Variants in PRKAG2 observed in about 807,000 individuals in gnomAD.
PRKAG2 encodes protein kinase AMP-activated non-catalytic subunit gamma 2.
PRKAG2 carries 26 observed loss-of-function variants against 69.6 expected under a neutral mutation model. The ratio of observed to expected loss-of-function variants is 0.37; its 90% CI spans 0.27 to 0.52. The LOEUF (loss-of-function observed/expected upper bound fraction) is 0.52. Ranked by LOEUF, PRKAG2 falls within the 20% of genes least tolerant of loss-of-function variation. The pLI is 0.90. For synonymous variants in PRKAG2, 293 were observed against 285.0 expected (o/e 1.03, Z -0.28); for missense variants, 557 against 740.0 (o/e 0.75, Z 2.87).
chr7:151,793,149 A>G (rs368433298), intron 1 of PRKAG2, among the ~76,000 whole-genome samples: 1 of 152,188 alleles, frequency 6.6e-6, no homozygotes, highest in Non-Finnish European at 1.5e-5. Flanking sequence ...CTCCCATTAG[A>G]CTCAGAATAA....
chr7:151,841,791 T>C (rs1361356387), intron 1 of PRKAG2, among the ~76,000 whole-genome samples: 2 of 147,268 alleles, frequency 1.4e-5, no homozygotes, highest in Non-Finnish European at 3.0e-5. Flanking sequence ...ATGGTAGTGA[T>C]AGTAGGTAGT....
In PRKAG2 at chr7:151,756,079, C is replaced by T. The variant is rs1042587164; in HGVS notation, c.466+25073G>A. Reference sequence around the variant, plus strand: ...TCCCCCATTGGTCTCCTCCTCTTCTCAGGCCTCTCCCCCTGGACCACCAGT... The same window carrying T: ...TCCCCCATTGGTCTCCTCCTCTTCTTAGGCCTCTCCCCCTGGACCACCAGT... On this transcript the variant is annotated intron_variant, in intron 3 of 15. Transcript: ENST00000287878. This position sits in a 1 kb window ranked among gnomAD's most constrained non-coding sequence, Gnocchi z 4.9. 6.6e-6 allele frequency among the ~76,000 whole-genome samples: 1 copy of T among 152,182 alleles called. No homozygotes were observed.
At chr7:151,690,693 T>G (rs1398173793) in intron 3 of PRKAG2, among the ~76,000 whole-genome samples, 3 of 152,068 alleles carry the variant, frequency 2.0e-5, no homozygotes, top group Non-Finnish European at 2.9e-5. Flanking sequence ...GGGAGCCGGG[T>G]TTTTTCCACT....
At chr7:151,848,918 A>G (rs1378537612) in intron 1 of PRKAG2, among the ~76,000 whole-genome samples, 1 of 152,260 alleles carries the variant, frequency 6.6e-6, no homozygotes, top group East Asian at 1.9e-4. Context: ...GTCAGCAGAC[A>G]TCATCTCATT....
intron 1 of PRKAG2, among the ~76,000 whole-genome samples, chr7:151,821,684 C>G (rs940242386): frequency 3.3e-5 from 5 of 152,176 alleles, no homozygotes; most frequent in African/African-American, 1.2e-4. Context: ...GATTCCTCGT[C>G]CTGAGCACAC....
chr7:151,568,627 A>G (rs1806828164), intron 11 of PRKAG2, 89 bp downstream of exon 11: 1 of 1,414,420 alleles, frequency 7.1e-7, no homozygotes, highest in East Asian at 2.4e-5. Flanking sequence ...AATTTCTTCT[A>G]CTGAGGGTAA....
chr7:151,659,919 C>T (rs913709475), intron 4 of PRKAG2, among the ~76,000 whole-genome samples: 2 of 152,164 alleles, frequency 1.3e-5, no homozygotes, highest in Non-Finnish European at 2.9e-5. Flanking sequence ...CTCTGCCAGG[C>T]GTGGTAGTGC....
intron 6 of PRKAG2, among the ~76,000 whole-genome samples, chr7:151,585,403 T>A (rs1811414915): frequency 6.6e-6 from 1 of 152,138 alleles, no homozygotes; most frequent in Admixed American, 6.6e-5. Context: ...GTCTTTATTG[T>A]CAGTTTTTTT....
At chr7:151,834,830 C>T (rs756692953) in intron 1 of PRKAG2, among the ~76,000 whole-genome samples, 18 of 152,180 alleles carry the variant, frequency 1.2e-4, no homozygotes, top group Non-Finnish European at 2.1e-4. Flanking sequence ...TTCCGGAGCC[C>T]GGAAGTCCGA....
intron 6 of PRKAG2, among the ~76,000 whole-genome samples, chr7:151,578,288 T>G (rs1035180919): frequency 1.3e-5 from 2 of 152,180 alleles, no homozygotes; most frequent in South Asian, 2.1e-4. Flanking sequence ...GAGGCTGTAG[T>G]GAGCCGAGAA....
intron 3 of PRKAG2, among the ~76,000 whole-genome samples, chr7:151,695,406 TGA>T (rs1836440413): frequency 1.3e-5 from 2 of 152,112 alleles, no homozygotes; most frequent in South Asian, 2.1e-4. Context: ...TGCATTCTTT[TGA>T]GAGAGTCCAG....
At chr7:151,721,879 T>C (rs940047413) in intron 3 of PRKAG2, among the ~76,000 whole-genome samples, 1 of 152,082 alleles carries the variant, frequency 6.6e-6, no homozygotes, top group Non-Finnish European at 1.5e-5. Flanking sequence ...ATACTCCTTG[T>C]CCTAGATTCT....
At chr7:151,775,640 CAG>C (rs1295479612) in intron 3 of PRKAG2, among the ~76,000 whole-genome samples, 1 of 152,234 alleles carries the variant, frequency 6.6e-6, no homozygotes, top group Non-Finnish European at 1.5e-5. Flanking sequence ...CCAGTGCAGA[CAG>C]AGGAAATGCG....
intron 3 of PRKAG2, among the ~76,000 whole-genome samples, chr7:151,687,390 A>C (rs1193041337): frequency 6.6e-6 from 1 of 152,250 alleles, no homozygotes; most frequent in Non-Finnish European, 1.5e-5. Flanking sequence ...ATTCTGCCAC[A>C]GAACTTTTCC....
At chr7:151,624,574 CT>C (rs1249255917) in intron 5 of PRKAG2, among the ~76,000 whole-genome samples, 1 of 152,182 alleles carries the variant, frequency 6.6e-6, no homozygotes, top group African/African-American at 2.4e-5. Context: ...TCTGTTCCCC[CT>C]AACCTTAGCA....
chr7:151,591,532 G>A (rs538961330), intron 6 of PRKAG2, among the ~76,000 whole-genome samples: 280 of 152,284 alleles, frequency 1.8e-3, no homozygotes, highest in Admixed American at 3.9e-3. Context: ...AAACACTGGA[G>A]ACACCCCTCC....
chr7:151,639,289 TGGCCAGCC>T (rs879369405), intron 4 of PRKAG2, among the ~76,000 whole-genome samples: 12 of 152,352 alleles, frequency 7.9e-5, no homozygotes, highest in Non-Finnish European at 1.6e-4. Context: ...TTCTCAGGGT[TGGCCAGCC>T]GGGCAGCTTG....
At chr7:151,680,425 GAAGA>G (rs1215700810) in intron 3 of PRKAG2, among the ~76,000 whole-genome samples, 6 of 152,276 alleles carry the variant, frequency 3.9e-5, no homozygotes, top group Admixed American at 6.5e-5. Flanking sequence ...AGCGGTAAGT[GAAGA>G]AAGCCAACTG....
chr7:151,641,388 C>T (rs1238996369), intron 4 of PRKAG2, among the ~76,000 whole-genome samples: 1 of 151,596 alleles, frequency 6.6e-6, no homozygotes, highest in Non-Finnish European at 1.5e-5. Flanking sequence ...GCTGGGACTA[C>T]AGGCGCACAC....
Sources: allele counts gnomAD v4.1 joint callset (sites outside exome capture counted in the v4.1 genomes callset), GRCh38; gene constraint gnomAD v4.1.1; non-coding constraint Gnocchi (gnomAD v3.1); transcripts MANE v1.5; gene names NCBI Gene and HGNC (gene_info 2026-07-23, HGNC 2026-07-21).